PRIM2: variants seen among roughly 807,000 people sequenced by gnomAD.
PRIM2 encodes DNA primase large subunit.
A neutral mutation model predicts 67.3 loss-of-function variants in PRIM2; 39 were observed. The ratio of observed to expected loss-of-function variants is 0.58; its 90% CI spans 0.45 to 0.76. The LOEUF (loss-of-function observed/expected upper bound fraction) is 0.76, where lower values mean the gene tolerates loss of function less well. Among genes scored for constraint, PRIM2 ranks in the 30% least tolerant of loss-of-function variants. PRIM2 has a pLI of 0.00. For missense variants in PRIM2, 398 were observed against 598.7 expected (o/e 0.66, Z 3.50); for synonymous variants, 143 against 198.7 (o/e 0.72, Z 2.36).
At chr6:57,377,731 AT>A (rs35696922) in intron 5 of PRIM2, among the ~76,000 whole-genome samples, 4 of 151,048 alleles carry the variant, frequency 2.6e-5, no homozygotes, top group African/African-American at 7.3e-5. Context: ...ATTTCTAGAA[AT>A]TTTTTTTTCT....
At chr6:57,431,322 C>T (rs1426437390) in intron 7 of PRIM2, among the ~76,000 whole-genome samples, 1 of 151,970 alleles carries the variant, frequency 6.6e-6, no homozygotes, top group Non-Finnish European at 1.5e-5. Context: ...CTGTGAACTA[C>T]CTCAGTTCTG....
the PRIM2 span, among the ~76,000 whole-genome samples, chr6:57,279,492 C>T: frequency 6.6e-6 from 1 of 152,086 alleles, no homozygotes. Flanking sequence ...TCCAGGAACT[C>T]ATGACTGCTG....
the PRIM2 span, among the ~76,000 whole-genome samples, chr6:57,286,909 C>T: frequency 2.6e-5 from 4 of 152,084 alleles, no homozygotes; most frequent in African/African-American, 9.7e-5. Flanking sequence ...AACAAATTTA[C>T]AAGAGAAAAA....
intron 10 of PRIM2, among the ~76,000 whole-genome samples, chr6:57,541,062 C>G (rs1183674111): frequency 6.6e-6 from 1 of 152,076 alleles, no homozygotes. Flanking sequence ...AAATGCTTCC[C>G]CAAACCAGAG....
At chr6:57,374,303 A>ATTTATTTTT (rs1554331462) in intron 5 of PRIM2, among the ~76,000 whole-genome samples, 4 of 139,792 alleles carry the variant, frequency 2.9e-5, no homozygotes, top group African/African-American at 1.1e-4. Context: ...TTATTTATTT[A>ATTTATTTTT]TTTTTTTTGA....
intron 5 of PRIM2, among the ~76,000 whole-genome samples, chr6:57,344,022 A>C (rs1768588756): frequency 1.3e-5 from 2 of 152,164 alleles, no homozygotes; most frequent in African/African-American, 4.8e-5. Flanking sequence ...CCCTAAACTT[A>C]CTTAGCAGGA....
chr6:57,389,739 G>A (rs1251058431), intron 7 of PRIM2, among the ~76,000 whole-genome samples: 1 of 152,182 alleles, frequency 6.6e-6, no homozygotes, highest in Admixed American at 6.5e-5. Context: ...TTTCTAAAGA[G>A]TTTGGAATCC....
chr6:57,334,021 G>A (rs978823131), intron 5 of PRIM2, among the ~76,000 whole-genome samples: 2 of 152,144 alleles, frequency 1.3e-5, no homozygotes, highest in Non-Finnish European at 1.5e-5. Context: ...ACTCTTAACT[G>A]TGATTATGCA....
At chr6:57,456,312 C>T (rs1772778201) in intron 7 of PRIM2, among the ~76,000 whole-genome samples, 1 of 152,114 alleles carries the variant, frequency 6.6e-6, no homozygotes. Flanking sequence ...CTCTGTGTTT[C>T]CTGAATTTGA....
chr6:57,622,745 CTT>C (rs1369481722), intron 12 of PRIM2, among the ~76,000 whole-genome samples: 1 of 152,032 alleles, frequency 6.6e-6, no homozygotes, highest in Non-Finnish European at 1.5e-5. Context: ...AATGTATGCT[CTT>C]ATTGCTTCTT....
At chr6:57,350,403 G>A (rs1768822723) in intron 5 of PRIM2, among the ~76,000 whole-genome samples, 1 of 152,214 alleles carries the variant, frequency 6.6e-6, no homozygotes, top group Non-Finnish European at 1.5e-5. Context: ...GATGATGTTA[G>A]TGTAAAGAAA....
At chr6:57,315,980 T>A (rs980832650), upstream of PRIM2, among the ~76,000 whole-genome samples, 1 of 152,198 alleles carries the variant, frequency 6.6e-6, no homozygotes, top group Non-Finnish European at 1.5e-5. Context: ...TTGTATTATG[T>A]ATTTAATACA....
chr6:57,359,448 C>A, intron 5 of PRIM2, among the ~76,000 whole-genome samples: 1 of 152,218 alleles, frequency 6.6e-6, no homozygotes, highest in Admixed American at 6.5e-5. Flanking sequence ...AGCTCAGTAC[C>A]TCTGGTGACT....
intron 12 of PRIM2, among the ~76,000 whole-genome samples, chr6:57,626,071 G>A (rs1317601418): frequency 1.1e-4 from 17 of 152,216 alleles, no homozygotes; most frequent in African/African-American, 4.1e-4. Flanking sequence ...TTTTAAATAA[G>A]ACAAAACATG....
At chr6:57,366,993 A>C (rs991748039) in intron 5 of PRIM2, among the ~76,000 whole-genome samples, 4 of 152,192 alleles carry the variant, frequency 2.6e-5, no homozygotes, top group African/African-American at 9.6e-5. Context: ...ATAAGTAAAT[A>C]ATCTTTCCTT....
intron 7 of PRIM2, among the ~76,000 whole-genome samples, chr6:57,407,417 T>A (rs1386125545): frequency 6.6e-6 from 1 of 151,724 alleles, no homozygotes; most frequent in Non-Finnish European, 1.5e-5. Flanking sequence ...AGTCACAGAT[T>A]TTTTTTTTCA....
chr6:57,322,495 A>T (rs1767694290), intron 3 of PRIM2, among the ~76,000 whole-genome samples: 1 of 152,076 alleles, frequency 6.6e-6, no homozygotes. Flanking sequence ...CTAGATAGTG[A>T]GTTCTCACAA....
At chr6:57,260,218 C>G in the PRIM2 span, among the ~76,000 whole-genome samples, 1 of 152,146 alleles carries the variant, frequency 6.6e-6, no homozygotes, top group Non-Finnish European at 1.5e-5. Context: ...AAACTGCATC[C>G]CAGGTCCAAA....
rs1776431733 is a variant in PRIM2 at position 57,599,993 on chromosome 6, C to T, written c.1021-1100C>T. Among the ~76,000 whole-genome samples, 5 of 152,198 alleles carry T rather than the reference C, an allele frequency of 3.3e-5. No individual in the cohort carries two copies. In the South Asian group the frequency reaches 8.3e-4, roughly 25 times the overall value. Reference sequence around the variant, plus strand: ...TGTAGAGATGGGTTTTGGAATCAGACTTGTCTGTACATGTCTACCATTTAA... The same window carrying T: ...TGTAGAGATGGGTTTTGGAATCAGATTTGTCTGTACATGTCTACCATTTAA... On this transcript the variant is annotated intron_variant, in intron 10 of 13. Coordinates refer to ENST00000615550, the MANE Select transcript of PRIM2 (RefSeq NM_000947.5).
Sources: gnomAD v4.1 joint callset for allele counts (sites outside exome capture counted in the v4.1 genomes callset) on GRCh38, gnomAD v4.1.1 for gene constraint, MANE v1.5 for transcripts, NCBI Gene and HGNC (gene_info 2026-07-23, HGNC 2026-07-21) for gene names.